Variants in COL5A2 observed in about 807,000 individuals in gnomAD.
The protein encoded by COL5A2 is collagen type V alpha 2 chain, also known as collagen alpha-2(V) chain.
Under a neutral mutation model 208.2 loss-of-function variants are expected in COL5A2, and 23 were observed. The observed-to-expected ratio is 0.11, with a 90% confidence interval of 0.08 to 0.16. The LOEUF (loss-of-function observed/expected upper bound fraction) is 0.16, where lower values mean the gene tolerates loss of function less well. Among genes scored for constraint, COL5A2 ranks in the 10% least tolerant of loss-of-function variants. The pLI is 1.00. For synonymous variants in COL5A2, 625 were observed against 628.5 expected (o/e 0.99, Z 0.08); for missense variants, 1,590 against 1,956.4 (o/e 0.81, Z 3.53).
intron 1 of COL5A2, among the ~76,000 whole-genome samples, chr2:189,131,270 CTT>C (rs1329801778): frequency 6.6e-6 from 1 of 152,092 alleles, no homozygotes; most frequent in African/African-American, 2.4e-5. Context: ...CCGGAAATAA[CTT>C]TGACAGCTAA....
the COL5A2 span, among the ~76,000 whole-genome samples, chr2:189,266,387 C>T: frequency 9.5e-4 from 144 of 151,528 alleles, 1 homozygote; most frequent in Non-Finnish European, 1.8e-3. Context: ...GATTGTGCTG[C>T]TGCACTCCAG....
At chr2:189,213,433 C>T (rs1222801093) in intron 1 of COL5A2, among the ~76,000 whole-genome samples, 2 of 152,098 alleles carry the variant, frequency 1.3e-5, no homozygotes. Context: ...CAGAGACAGC[C>T]AGACATTATG....
At chr2:189,397,069 CAT>C in the COL5A2 span, among the ~76,000 whole-genome samples, 141 of 151,654 alleles carry the variant, frequency 9.3e-4, 2 homozygotes, top group African/African-American at 3.1e-3. Context: ...GCCCCAGATT[CAT>C]AGTTTCATAG....
chr2:189,293,791 A>T, the COL5A2 span, among the ~76,000 whole-genome samples: 1 of 152,146 alleles, frequency 6.6e-6, no homozygotes, highest in Non-Finnish European at 1.5e-5. Context: ...TATTGATTAA[A>T]AGCAACCCAG....
intron 1 of COL5A2, among the ~76,000 whole-genome samples, chr2:189,143,959 G>A (rs1234412623): frequency 6.6e-6 from 1 of 152,070 alleles, no homozygotes; most frequent in Non-Finnish European, 1.5e-5. Flanking sequence ...ACTAGACATG[G>A]TAATGAAGAT....
the COL5A2 span, among the ~76,000 whole-genome samples, chr2:189,369,694 T>C: frequency 9.9e-5 from 15 of 152,186 alleles, no homozygotes; most frequent in Admixed American, 9.8e-4. Flanking sequence ...AATAAACTCT[T>C]GAGTCATTTC....
At chr2:189,214,318 A>G (rs989805436) in intron 1 of COL5A2, among the ~76,000 whole-genome samples, 21 of 152,016 alleles carry the variant, frequency 1.4e-4, no homozygotes, top group Non-Finnish European at 2.9e-5. Context: ...TAAATTATAA[A>G]TCCTATATAG....
chr2:189,191,472 CT>C (rs1203709887), intron 1 of COL5A2, among the ~76,000 whole-genome samples: 4 of 152,018 alleles, frequency 2.6e-5, no homozygotes, highest in African/African-American at 9.7e-5. Flanking sequence ...GAAACCCCAT[CT>C]CTACTAAAAA....
chr2:189,315,780 CCAA>C, the COL5A2 span, among the ~76,000 whole-genome samples: 2 of 151,984 alleles, frequency 1.3e-5, no homozygotes, highest in Admixed American at 1.3e-4. Flanking sequence ...ATTCTATATA[CCAA>C]CAACAGTCAA....
chr2:189,245,794 C>T, the COL5A2 span, among the ~76,000 whole-genome samples: 1 of 152,164 alleles, frequency 6.6e-6, no homozygotes. Flanking sequence ...TTTTTAAAAT[C>T]CATTTAGCTA....
At chr2:189,250,935 C>A in the COL5A2 span, among the ~76,000 whole-genome samples, 1 of 152,120 alleles carries the variant, frequency 6.6e-6, no homozygotes, top group African/African-American at 2.4e-5. Context: ...AAAAAGGAAT[C>A]ATGATGTGAA....
chr2:189,163,431 T>C (rs1688408429), intron 1 of COL5A2, among the ~76,000 whole-genome samples: 1 of 152,220 alleles, frequency 6.6e-6, no homozygotes, highest in South Asian at 2.1e-4. Flanking sequence ...ATTCAGTTAA[T>C]ATGAAAAATT....
chr2:189,180,311 G>C (rs1466215485), upstream of COL5A2, among the ~76,000 whole-genome samples: 1 of 152,064 alleles, frequency 6.6e-6, no homozygotes, highest in African/African-American at 2.4e-5. Flanking sequence ...CCCAGGTAAA[G>C]TCCAGGTTAG....
chr2:189,387,024 T>A, the COL5A2 span, among the ~76,000 whole-genome samples: 2 of 152,140 alleles, frequency 1.3e-5, no homozygotes, highest in Non-Finnish European at 2.9e-5. Context: ...CATATGTTCA[T>A]TGCAGCGTTA....
chr2:189,292,631 T>C, the COL5A2 span, among the ~76,000 whole-genome samples: 11,316 of 152,110 alleles, frequency 0.074, 706 homozygotes, highest in African/African-American at 0.17. Flanking sequence ...TGTGGAGAAA[T>C]AGGAACACTT....
At chr2:189,098,691 ACAAGAGTAC>A (rs1332837430) in intron 5 of COL5A2, 27 bp downstream of exon 5, 2 of 1,536,318 alleles carry the variant, frequency 1.3e-6, no homozygotes, top group African/African-American at 2.7e-5. Flanking sequence ...CTCAAGGAAT[ACAAGAGTAC>A]CAAGAATATT....
the COL5A2 span, among the ~76,000 whole-genome samples, chr2:189,348,569 T>A: frequency 1.3e-5 from 2 of 152,288 alleles, no homozygotes; most frequent in South Asian, 4.1e-4. Flanking sequence ...CATGCCTCAA[T>A]GTGTCATCTT....
chr2:189,042,921 G>A lies in COL5A2; in HGVS notation c.3472-148C>T. The A allele has an allele frequency of 3.5e-6, 3 of 846,458 alleles. No individual in the cohort carries two copies. The South Asian group carries it at 4.4e-5, about 12-fold the overall frequency. 52.4% of individuals were successfully genotyped at this position (846,458 alleles called of 1,614,324 possible). A position where few individuals can be genotyped will look rare whatever the true frequency, so the allele number is the denominator to read the frequency against. On this transcript the variant is annotated intron_variant, in intron 48 of 53. Coordinates refer to ENST00000374866, the MANE Select transcript of COL5A2 (RefSeq NM_000393.5). ...GCAATGTCTACATGAGTTGACCAAT[G>A]TTAAAGACACCTGTAGGAGTAACAG...
At chr2:189,314,196 A>G in the COL5A2 span, among the ~76,000 whole-genome samples, 1 of 152,196 alleles carries the variant, frequency 6.6e-6, no homozygotes, top group Non-Finnish European at 1.5e-5. Flanking sequence ...AATCAGAAGT[A>G]AAACACTCCT....
Sources: gnomAD v4.1 joint callset for allele counts (sites outside exome capture counted in the v4.1 genomes callset) on GRCh38, gnomAD v4.1.1 for gene constraint, MANE v1.5 for transcripts, NCBI Gene and HGNC (gene_info 2026-07-23, HGNC 2026-07-21) for gene names.